GPATCH8: variants seen among roughly 807,000 people sequenced by gnomAD.
GPATCH8 encodes the protein G-patch domain containing 8, also known as G patch domain-containing protein 8.
Under a neutral mutation model 118.3 loss-of-function variants are expected in GPATCH8, and 18 were observed. The ratio of observed to expected loss-of-function variants is 0.15; its 90% CI spans 0.11 to 0.23. The LOEUF is 0.23. Among genes scored for constraint, GPATCH8 ranks in the 10% least tolerant of loss-of-function variants. The pLI, the probability that GPATCH8 is intolerant of heterozygous loss-of-function variation, is 1.00. For synonymous variants in GPATCH8, 659 were observed against 684.7 expected (o/e 0.96, Z 0.59); for missense variants, 1,631 against 1,873.8 (o/e 0.87, Z 2.39).
At chr17:44,408,888 C>G (rs2049329462) in intron 6 of GPATCH8, among the ~76,000 whole-genome samples, 1 of 152,128 alleles carries the variant, frequency 6.6e-6, no homozygotes, top group East Asian at 1.9e-4. Flanking sequence ...TAGGAAGGCT[C>G]CCAGTATCAC....
At chr17:44,440,016 C>G (rs967519709) in intron 3 of GPATCH8, among the ~76,000 whole-genome samples, 2 of 152,166 alleles carry the variant, frequency 1.3e-5, no homozygotes, top group African/African-American at 4.8e-5. Context: ...CTCCCGACCT[C>G]AGGTGATCTG....
In GPATCH8 at chr17:44,400,093, G is replaced by A. The variant is rs761887019; in HGVS notation, c.1984C>T (p.Leu662Phe). Residue 662 changes from leucine to phenylalanine, a missense_variant, in exon 8 of 8, where the codon CTT (leucine) becomes TTT (phenylalanine). Leu to Phe is a conservative substitution (Grantham distance 22). Coordinates refer to ENST00000591680, the MANE Select transcript of GPATCH8 (RefSeq NM_001002909.4). Reference sequence around the variant, plus strand: ...CCAGATCGTTCTTTCTTGCTGGGAAGGCTTCTCCCTGTGTCTTCTGTCTCA... The same window carrying A: ...CCAGATCGTTCTTTCTTGCTGGGAAAGCTTCTCCCTGTGTCTTCTGTCTCA... Reference protein sequence around the residue: ...GSETEDTGRSLPSKKERSGKS... With the variant: ...GSETEDTGRSFPSKKERSGKS... 42 of 1,613,786 alleles carry A rather than the reference G, an allele frequency of 2.6e-5. No homozygotes were observed. Among genetic ancestry groups the A allele is most frequent in the Non-Finnish European group, 3.3e-5 (39 of 1,180,026 alleles).
chr17:44,399,448 A>G lies in GPATCH8; in HGVS notation c.2629T>C (p.Ser877Pro). Residue 877 changes from serine (S) to proline (P), a missense_variant, in exon 8 of 8, where the codon TCT becomes CCT. Coordinates refer to ENST00000591680, the MANE Select transcript of GPATCH8 (RefSeq NM_001002909.4). The part of the protein sequence containing the change: ...RRSYSSSSDA[S>P]SDQSCYSRQR... ...CTACTATAGCAGCTCTGGTCTGAAG[A>G]GGCATCTGAGCTACTTGAGTAAGAA... is the stretch of plus-strand genomic sequence containing the variant. 1 of 1,614,006 alleles carries G rather than the reference A, an allele frequency of 6.2e-7. No homozygotes were observed. Among genetic ancestry groups the G allele is most frequent in the Non-Finnish European group, 8.5e-7 (1 of 1,179,912 alleles).
At position 44,423,375 on chromosome 17, in the gene GPATCH8, C is replaced by T. The variant is rs78455261; in HGVS notation, c.492+974G>A. ...AGACTGTTCCAAAAAAGTGTAATAC[C>T]ACAACCAGCTTACAAATTCTTCCAG... is the stretch of plus-strand genomic sequence containing the variant. On this transcript the variant is annotated intron_variant, in intron 6 of 7. Coordinates refer to ENST00000591680, the MANE Select transcript of GPATCH8 (RefSeq NM_001002909.4). Among the ~76,000 whole-genome samples the T allele has an allele frequency of 1.8e-3, 277 of 152,118 alleles. 1 individual carries two copies. The highest frequency in any genetic ancestry group is 6.1e-3 in the African/African-American group (254 of 41,492).
chr17:44,397,524 A>G lies in GPATCH8; in HGVS notation c.*44T>C. 7.5e-7 allele frequency: 1 copy of G among 1,328,076 alleles called. No homozygotes were observed. The highest frequency in any genetic ancestry group is 1.1e-6 in the Non-Finnish European group (1 of 920,058). The allele number at this position is 1,328,076 out of a possible 1,614,324, so 82.3% of individuals were successfully genotyped here. A position where few individuals can be genotyped will look rare whatever the true frequency, so the allele number is the denominator to read the frequency against. On this transcript the variant is annotated 3_prime_UTR_variant, in exon 8 of 8. Transcript: ENST00000591680. Reference sequence around the variant, plus strand: ...GCTCAACACCCCCAAGGGAACATTTATGGGTCTCCTCCCCTGGCCCTACCT... The same window carrying G: ...GCTCAACACCCCCAAGGGAACATTTGTGGGTCTCCTCCCCTGGCCCTACCT...
In GPATCH8 at chr17:44,399,699, G is replaced by A; in HGVS notation, c.2378C>T (p.Ser793Leu). 6.2e-7 allele frequency: 1 copy of A among 1,614,100 alleles called. No individual in the cohort carries two copies. Among genetic ancestry groups the A allele is most frequent in the Non-Finnish European group, 8.5e-7 (1 of 1,179,972 alleles). Residue 793 changes from serine to leucine, a missense_variant, in exon 8 of 8, where the codon TCA (serine) becomes TTA (leucine). Transcript: ENST00000591680. Reference sequence around the variant, plus strand: ...GGTGCCTGCTCTTCGCTGGCAGGATGAAGGTGGAAGTTCACCTTTGTGTTT... The same window carrying A: ...GGTGCCTGCTCTTCGCTGGCAGGATAAAGGTGGAAGTTCACCTTTGTGTTT... ...GRKHKGELPP[S>L]SCQRRAGTKR...
intron 3 of GPATCH8, among the ~76,000 whole-genome samples, chr17:44,443,341 AC>A (rs1162251068): frequency 2.0e-5 from 3 of 152,240 alleles, no homozygotes; most frequent in Non-Finnish European, 2.9e-5. Context: ...AAAAAATGGT[AC>A]ATTTATTTCC....
intron 1 of GPATCH8, among the ~76,000 whole-genome samples, chr17:44,496,420 T>A (rs971955294): frequency 6.6e-6 from 1 of 152,192 alleles, no homozygotes; most frequent in African/African-American, 2.4e-5. Flanking sequence ...CTCAATTCTA[T>A]GAAACAGTAA....
chr17:44,455,983 G>A lies in GPATCH8; in HGVS notation c.193+8489C>T, dbSNP rs367936648. 2.2e-4 allele frequency among the ~76,000 whole-genome samples: 34 copies of A among 152,342 alleles called. No homozygotes were observed. The South Asian group carries it at 7.0e-3, about 32-fold the overall frequency. ...GCTAGTCTCGAACTCCTGAACTTAG[G>A]TGATCCACCTGCCTCGGCCTCCCAA... is the stretch of plus-strand genomic sequence containing the variant. On this transcript the variant is annotated intron_variant, in intron 3 of 7. Transcript: ENST00000591680.
intron 6 of GPATCH8, among the ~76,000 whole-genome samples, chr17:44,406,510 T>C (rs1176628558): frequency 1.2e-5 from 1 of 80,640 alleles, no homozygotes. Context: ...GGGGGGGGGT[T>C]ATTTAAATTA....
intron 1 of GPATCH8, 108 bp downstream of exon 1, chr17:44,503,218 C>T (rs2144519755): frequency 2.0e-6 from 2 of 1,012,432 alleles, no homozygotes; most frequent in African/African-American, 1.6e-5. Context: ...CGAGCTGGTT[C>T]GCAAGTCGGA....
chr17:44,486,606 T>C (rs1056509273), intron 1 of GPATCH8: 13 of 152,214 alleles, frequency 8.5e-5, no homozygotes, highest in African/African-American at 2.7e-4. Flanking sequence ...TTTTAGTATA[T>C]TGTGGCCCCC....
intron 3 of GPATCH8, among the ~76,000 whole-genome samples, chr17:44,464,044 G>A (rs1281140091): frequency 6.6e-6 from 1 of 152,090 alleles, no homozygotes; most frequent in Non-Finnish European, 1.5e-5. Context: ...GCAATCACCA[G>A]CTTCAGGGAG....
chr17:44,442,084 TGTATATGTATAC>T (rs1362834456), intron 3 of GPATCH8, among the ~76,000 whole-genome samples: 3 of 88,242 alleles, frequency 3.4e-5, no homozygotes, highest in Admixed American at 1.3e-4. Flanking sequence ...TATATATGTG[TGTATATGTATAC>T]GTATATATAT....
intron 6 of GPATCH8, among the ~76,000 whole-genome samples, chr17:44,406,807 G>A (rs2049250247): frequency 6.6e-6 from 1 of 152,128 alleles, no homozygotes; most frequent in Admixed American, 6.6e-5. Flanking sequence ...AACAGAATGG[G>A]TCTTTTATTT....
At chr17:44,499,091 C>T (rs1261289015) in intron 1 of GPATCH8, among the ~76,000 whole-genome samples, 8 of 152,164 alleles carry the variant, frequency 5.3e-5, no homozygotes, top group Admixed American at 1.3e-4. Context: ...ATTTTTATTA[C>T]GACCTTTAAC....
At chr17:44,409,483 G>A (rs1386018647) in intron 6 of GPATCH8, 2 of 152,178 alleles carry the variant, frequency 1.3e-5, no homozygotes, top group East Asian at 1.9e-4. Flanking sequence ...TTCAAAAGAG[G>A]TGACTGTTCT....
chr17:44,492,918 T>C (rs1428186556), intron 1 of GPATCH8, among the ~76,000 whole-genome samples: 2 of 152,138 alleles, frequency 1.3e-5, no homozygotes, highest in African/African-American at 4.8e-5. Context: ...AACAATCAGG[T>C]ACTCACTAAT....
chr17:44,502,950 TC>T (rs1050267827), intron 1 of GPATCH8, among the ~76,000 whole-genome samples: 1 of 151,994 alleles, frequency 6.6e-6, no homozygotes, highest in Non-Finnish European at 1.5e-5. Context: ...AGCAATACTC[TC>T]CCCCAAGCCC....
Sources: allele counts gnomAD v4.1 joint callset (sites outside exome capture counted in the v4.1 genomes callset), GRCh38; gene constraint gnomAD v4.1.1; transcripts MANE v1.5; gene names NCBI Gene and HGNC (gene_info 2026-07-23, HGNC 2026-07-21).